The following PDE4B variants were observed in gnomAD, a reference collection of about 807,000 sequenced individuals.
The protein encoded by PDE4B is 3',5'-cyclic-AMP phosphodiesterase 4B.
Under a neutral mutation model 82.2 loss-of-function variants are expected in PDE4B, and 20 were observed. The ratio of observed to expected loss-of-function variants is 0.24; its 90% CI spans 0.17 to 0.35. The LOEUF is 0.35. PDE4B is among the 10% of genes least tolerant of loss of function. The pLI is 1.00. For synonymous variants in PDE4B, 320 were observed against 318.9 expected (o/e 1.00, Z -0.04); for missense variants, 655 against 907.2 (o/e 0.72, Z 3.57).
chr1:66,295,440 TTTG>T (rs1213320029), intron 7 of PDE4B, among the ~76,000 whole-genome samples: 2 of 152,312 alleles, frequency 1.3e-5, no homozygotes, highest in East Asian at 3.9e-4. Context: ...TTTGTTTTGT[TTTG>T]TTTTTTGTTT....
intron 3 of PDE4B, among the ~76,000 whole-genome samples, chr1:66,199,487 GT>G (rs1648676383): frequency 6.6e-6 from 1 of 151,822 alleles, no homozygotes; most frequent in African/African-American, 2.4e-5. Context: ...TTGTAAATTT[GT>G]TTGAGTTCAT....
chr1:66,115,624 G>A (rs548399308), intron 3 of PDE4B, among the ~76,000 whole-genome samples: 1 of 152,212 alleles, frequency 6.6e-6, no homozygotes, highest in African/African-American at 2.4e-5. Context: ...CTATGGGGGC[G>A]TCCCAGTAGG....
chr1:66,105,199 C>G (rs1211108617), intron 3 of PDE4B, among the ~76,000 whole-genome samples: 2 of 146,958 alleles, frequency 1.4e-5, no homozygotes, highest in Non-Finnish European at 3.0e-5. Context: ...AATAGGGAAT[C>G]CTTTCCCCAT....
Position 65,815,253 on chromosome 1 carries a change from C to G in PDE4B, c.-71+22005C>G, listed in dbSNP as rs550893380. ...CATTTTTAAGCAAGCATAACTTGTG[C>G]TTTAAGAGCCAACATAAATATTACA... On this transcript the variant is annotated intron_variant, in intron 1 of 16. Transcript: ENST00000341517. Among the ~76,000 whole-genome samples the G allele has an allele frequency of 2.6e-3, 343 of 131,638 alleles. 1 individual carries two copies. The highest frequency in any genetic ancestry group is 9.2e-3 in the African/African-American group (330 of 35,848). 86.4% of individuals were successfully genotyped at this position (131,638 alleles called of 152,430 possible).
chr1:66,323,900 G>A (rs1659578752), intron 7 of PDE4B, among the ~76,000 whole-genome samples: 1 of 152,042 alleles, frequency 6.6e-6, no homozygotes, highest in African/African-American at 2.4e-5. Context: ...AAAAATAATT[G>A]GACAGCAGCT....
intron 7 of PDE4B, among the ~76,000 whole-genome samples, chr1:66,328,678 G>A (rs1001128509): frequency 2.6e-5 from 4 of 152,090 alleles, no homozygotes; most frequent in African/African-American, 4.8e-5. Flanking sequence ...TCCTCTGCTC[G>A]CTGGTGCCCT....
At chr1:66,112,019 A>C (rs1351946960) in intron 3 of PDE4B, among the ~76,000 whole-genome samples, 1 of 152,140 alleles carries the variant, frequency 6.6e-6, no homozygotes, top group Non-Finnish European at 1.5e-5. Flanking sequence ...CATTTTGTTC[A>C]AGGATGAAGA....
At chr1:66,145,053 A>T (rs60791322) in intron 3 of PDE4B, among the ~76,000 whole-genome samples, 1 of 152,116 alleles carries the variant, frequency 6.6e-6, no homozygotes, top group African/African-American at 2.4e-5. Flanking sequence ...GGTGGCCGTG[A>T]GTAGCAATCT....
At chr1:66,260,667 CT>C (rs1654614376) in intron 6 of PDE4B, among the ~76,000 whole-genome samples, 1 of 152,178 alleles carries the variant, frequency 6.6e-6, no homozygotes, top group Non-Finnish European at 1.5e-5. Context: ...TTTTTTACCT[CT>C]GTTAGTAGTA....
chr1:66,067,303 C>A (rs1344406488), intron 3 of PDE4B, among the ~76,000 whole-genome samples: 1 of 152,032 alleles, frequency 6.6e-6, no homozygotes, highest in East Asian at 1.9e-4. Flanking sequence ...ACAGTCCCAC[C>A]AACAGTGTAA....
chr1:66,137,361 C>T lies in PDE4B; in HGVS notation c.282-110099C>T, dbSNP rs1570320407. 3.9e-5 allele frequency among the ~76,000 whole-genome samples: 6 copies of T among 152,220 alleles called. No homozygotes were observed. The South Asian group carries it at 1.2e-3, about 32-fold the overall frequency. ...ATCCGCTGAAAAAGGAGAAGTGTGA[C>T]ATAAGCATGCATTTTGATTTGTTTG... On this transcript the variant is annotated intron_variant, in intron 3 of 16. Coordinates refer to ENST00000341517, the MANE Select transcript of PDE4B (RefSeq NM_002600.4).
chr1:65,993,284 A>G, intron 3 of PDE4B: 1 of 625,180 alleles, frequency 1.6e-6, no homozygotes, highest in Non-Finnish European at 2.7e-6. Flanking sequence ...ACCAGGTCAG[A>G]TGAAGAGTAC....
chr1:66,328,003 C>A (rs1659854141), intron 7 of PDE4B, among the ~76,000 whole-genome samples: 1 of 152,114 alleles, frequency 6.6e-6, no homozygotes, highest in Non-Finnish European at 1.5e-5. Flanking sequence ...TTAGTTTATG[C>A]CTTAAGGTAA....
chr1:65,885,031 C>G (rs1336716541), intron 1 of PDE4B, among the ~76,000 whole-genome samples: 1 of 152,080 alleles, frequency 6.6e-6, no homozygotes, highest in Non-Finnish European at 1.5e-5. Flanking sequence ...ACAAACAACC[C>G]CATCAAAAAG....
chr1:66,214,324 C>A (rs2101585339), intron 3 of PDE4B, among the ~76,000 whole-genome samples: 1 of 152,254 alleles, frequency 6.6e-6, no homozygotes, highest in East Asian at 1.9e-4. Context: ...TCATTCATTA[C>A]TTTCCCTTCT....
chr1:66,247,829 G>A (rs568632578), intron 4 of PDE4B, among the ~76,000 whole-genome samples, 175 bp downstream of exon 4: 67 of 152,282 alleles, frequency 4.4e-4, no homozygotes, highest in African/African-American at 1.4e-3. Flanking sequence ...TATAGCATGC[G>A]GAATATGTAG....
intron 7 of PDE4B, among the ~76,000 whole-genome samples, chr1:66,271,283 C>T (rs1280580744): frequency 1.3e-5 from 2 of 152,120 alleles, no homozygotes; most frequent in South Asian, 2.1e-4. Context: ...TGAATGAAAC[C>T]GAGGAGGCCT....
intron 3 of PDE4B, among the ~76,000 whole-genome samples, chr1:65,931,682 GA>G: frequency 6.6e-6 from 1 of 152,162 alleles, no homozygotes; most frequent in East Asian, 1.9e-4. Flanking sequence ...AACTAGTTGA[GA>G]GCCTCCTGCA....
intron 3 of PDE4B, among the ~76,000 whole-genome samples, chr1:65,935,281 A>C (rs1648063526): frequency 6.6e-6 from 1 of 152,168 alleles, no homozygotes; most frequent in Non-Finnish European, 1.5e-5. Flanking sequence ...TAATGGGTCA[A>C]AGAAAAGAAT....
Sources: gnomAD v4.1 joint callset for allele counts (sites outside exome capture counted in the v4.1 genomes callset) on GRCh38, gnomAD v4.1.1 for gene constraint, MANE v1.5 for transcripts, NCBI Gene and HGNC (gene_info 2026-07-23, HGNC 2026-07-21) for gene names.